The following KATNIP variants were observed in gnomAD, a reference collection of about 807,000 sequenced individuals.
KATNIP encodes katanin interacting protein.
A neutral mutation model predicts 174.0 loss-of-function variants in KATNIP; 126 were observed. The ratio of observed to expected loss-of-function variants is 0.72; its 90% CI spans 0.63 to 0.84. KATNIP has a LOEUF of 0.84. Ranked by LOEUF, KATNIP falls within the 40% of genes least tolerant of loss-of-function variation. The pLI is 0.00. For missense variants in KATNIP, 1,958 were observed against 2,109.7 expected (o/e 0.93, Z 1.41); for synonymous variants, 810 against 835.7 (o/e 0.97, Z 0.53).
intron 5 of KATNIP, among the ~76,000 whole-genome samples, chr16:27,645,631 C>T (rs1411677447): frequency 6.6e-6 from 1 of 152,174 alleles, no homozygotes; most frequent in Non-Finnish European, 1.5e-5. Context: ...GTGGGTGGTG[C>T]CACCAGTAAC....
chr16:27,721,422 C>CG, intron 13 of KATNIP, 136 bp from the exon 14 acceptor site: 1 of 982,576 alleles, frequency 1.0e-6, no homozygotes, highest in South Asian at 1.4e-5. Context: ...GTGATGGCAA[C>CG]GGGGTGGCCT....
intron 14 of KATNIP, among the ~76,000 whole-genome samples, chr16:27,721,936 T>C (rs1308069064): frequency 6.6e-6 from 1 of 152,204 alleles, no homozygotes; most frequent in East Asian, 1.9e-4. Flanking sequence ...TGGAAAAATG[T>C]AAGCTGAGAC....
intron 15 of KATNIP, among the ~76,000 whole-genome samples, chr16:27,741,557 C>T (rs1363077558): frequency 6.6e-6 from 1 of 152,120 alleles, no homozygotes; most frequent in Admixed American, 6.6e-5. Flanking sequence ...AGACCATAAG[C>T]CCACCCACAG....
intron 6 of KATNIP, among the ~76,000 whole-genome samples, chr16:27,649,537 C>A (rs778421645): frequency 2.0e-5 from 3 of 152,120 alleles, no homozygotes; most frequent in Non-Finnish European, 4.4e-5. Context: ...GTTACCCAGG[C>A]TGGAGTGCAT....
intron 1 of KATNIP, among the ~76,000 whole-genome samples, chr16:27,561,386 C>T (rs756688904): frequency 3.9e-5 from 6 of 152,238 alleles, no homozygotes; most frequent in Non-Finnish European, 7.4e-5. Context: ...ATACTATTCC[C>T]GCTCCTAGCT....
At chr16:27,588,742 A>T (rs2090997590) in intron 2 of KATNIP, among the ~76,000 whole-genome samples, 1 of 151,998 alleles carries the variant, frequency 6.6e-6, no homozygotes, top group African/African-American at 2.4e-5. Context: ...GTTATTAAAA[A>T]TTTTTCAAGT....
chr16:27,745,545 T>G (rs12448379), intron 15 of KATNIP, among the ~76,000 whole-genome samples: 29,930 of 152,158 alleles, frequency 0.2, 3,487 homozygotes, highest in African/African-American at 0.33. Flanking sequence ...TCCAATCAGT[T>G]ATGGCCAAAG....
At chr16:27,766,165 A>T in intron 19 of KATNIP, 144 bp from the exon 20 acceptor site, 2 of 708,208 alleles carry the variant, frequency 2.8e-6, no homozygotes, top group Admixed American at 6.1e-5. Flanking sequence ...CTCAGCAGTC[A>T]CACCTCCCCT....
chr16:27,763,390 TG>T (rs1250954362), intron 19 of KATNIP, among the ~76,000 whole-genome samples: 1 of 148,252 alleles, frequency 6.7e-6, no homozygotes, highest in African/African-American at 2.5e-5. Flanking sequence ...AAGGATTGCT[TG>T]AGCCCAGGAA....
At chr16:27,774,611 C>T (rs1464877166) in intron 23 of KATNIP, among the ~76,000 whole-genome samples, 7 of 152,168 alleles carry the variant, frequency 4.6e-5, no homozygotes, top group Admixed American at 1.3e-4. Context: ...AGAAAACCTC[C>T]GCAGAGCTTG....
intron 2 of KATNIP, among the ~76,000 whole-genome samples, chr16:27,606,733 T>C (rs958375643): frequency 2.2e-5 from 3 of 137,512 alleles, no homozygotes; most frequent in African/African-American, 8.8e-5. Context: ...TTTTTCTAAC[T>C]TTTTTTTTTT....
At chr16:27,655,177 G>GATAGATATATAT (rs1407225408) in intron 6 of KATNIP, among the ~76,000 whole-genome samples, 1 of 38,526 alleles carries the variant, frequency 2.6e-5, no homozygotes, top group Non-Finnish European at 5.9e-5. Flanking sequence ...CCCTAGAATG[G>GATAGATATATAT]ATATATATAT....
intron 14 of KATNIP, among the ~76,000 whole-genome samples, chr16:27,724,552 G>A (rs2080369029): frequency 1.3e-5 from 2 of 152,156 alleles, no homozygotes; most frequent in African/African-American, 4.8e-5. Flanking sequence ...GTGCTTGGGG[G>A]AGCTGTTGGC....
At chr16:27,771,943 G>C (rs557138323) in intron 22 of KATNIP, among the ~76,000 whole-genome samples, 7 of 152,180 alleles carry the variant, frequency 4.6e-5, no homozygotes, top group Non-Finnish European at 8.8e-5. Flanking sequence ...CTGGGGAAGG[G>C]GGGTGTCCTG....
intron 5 of KATNIP, among the ~76,000 whole-genome samples, chr16:27,632,997 G>A (rs1373380661): frequency 2.6e-5 from 4 of 152,112 alleles, no homozygotes; most frequent in South Asian, 2.1e-4. Context: ...TGATCCGCCC[G>A]CCTCAACCTG....
At chr16:27,631,393 A>C in intron 5 of KATNIP, 1 of 489,708 alleles carries the variant, frequency 2.0e-6, no homozygotes, top group Non-Finnish European at 3.7e-6. Context: ...TAAAAATAAA[A>C]AATTCGCCAG....
chr16:27,724,608 G>A (rs2080373140), intron 14 of KATNIP, among the ~76,000 whole-genome samples: 1 of 152,216 alleles, frequency 6.6e-6, no homozygotes, highest in South Asian at 2.1e-4. Flanking sequence ...AGGGTGGAGT[G>A]TGGAGGACTG....
At chr16:27,618,682 C>A (rs2076112362) in intron 3 of KATNIP, among the ~76,000 whole-genome samples, 181 bp downstream of exon 3, 1 of 152,152 alleles carries the variant, frequency 6.6e-6, no homozygotes, top group Non-Finnish European at 1.5e-5. Flanking sequence ...GATTTAATTG[C>A]ATTTTTTGAC....
At chr16:27,632,488 C>A in intron 5 of KATNIP, 1 of 396,670 alleles carries the variant, frequency 2.5e-6, no homozygotes. Context: ...CAAAAAATGG[C>A]GGCATTAGCA....
Sources: gnomAD v4.1 joint callset for allele counts (sites outside exome capture counted in the v4.1 genomes callset) on GRCh38, gnomAD v4.1.1 for gene constraint, MANE v1.5 for transcripts, NCBI Gene and HGNC (gene_info 2026-07-23, HGNC 2026-07-21) for gene names.